The following ATP2A2 variants were observed in gnomAD, a reference collection of about 807,000 sequenced individuals.
ATP2A2 encodes the protein sarcoplasmic/endoplasmic reticulum calcium ATPase 2.
In ATP2A2, 14 loss-of-function variants were observed where a neutral mutation model predicts 109.3. That is an observed-to-expected ratio of 0.13 (90% CI 0.08 to 0.20). The LOEUF (loss-of-function observed/expected upper bound fraction) is 0.20, where lower values mean the gene tolerates loss of function less well. Ranked by LOEUF, ATP2A2 falls within the 10% of genes least tolerant of loss-of-function variation. The pLI is 1.00. For missense variants in ATP2A2, 657 were observed against 1,321.6 expected (o/e 0.50, Z 7.80); for synonymous variants, 506 against 490.9 (o/e 1.03, Z -0.41).
chr12:110,312,627 A>G (rs1053453767), intron 5 of ATP2A2, among the ~76,000 whole-genome samples: 2 of 151,836 alleles, frequency 1.3e-5, no homozygotes, highest in Non-Finnish European at 2.9e-5. Flanking sequence ...AGGCAGGCGG[A>G]TCATTTGAGC....
At chr12:110,332,501 T>C (rs1878436835) in intron 8 of ATP2A2, 96 bp from the exon 9 acceptor site, 1 of 1,027,210 alleles carries the variant, frequency 9.7e-7, no homozygotes, top group South Asian at 1.3e-5. Context: ...ATGAAAGAGG[T>C]TGTTTGCCTT....
chr12:110,289,035 A>G (rs1218162135), intron 3 of ATP2A2, among the ~76,000 whole-genome samples: 2 of 152,108 alleles, frequency 1.3e-5, no homozygotes, highest in Admixed American at 6.6e-5. Flanking sequence ...GTTGTTCTTC[A>G]TTTTGGGCTG....
Position 110,347,499 on chromosome 12 carries a change from G to A in ATP2A2, c.*1029G>A. 4 of 1,289,050 alleles carry A rather than the reference G, an allele frequency of 3.1e-6. No homozygotes were observed. The highest frequency in any genetic ancestry group is 4.0e-6 in the Non-Finnish European group (4 of 988,684). The allele number at this position is 1,289,050 out of a possible 1,614,324, so 79.9% of individuals were successfully genotyped here. Reference sequence around the variant, plus strand: ...TATTCTTAATGTACAGGCACTAATTGTCATCTGTGATGTACATTTTATGCA... The same window carrying A: ...TATTCTTAATGTACAGGCACTAATTATCATCTGTGATGTACATTTTATGCA... On this transcript the variant is annotated 3_prime_UTR_variant, in exon 20 of 20. Transcript: ENST00000539276.
intron 6 of ATP2A2, 29 bp from the exon 7 acceptor site, chr12:110,326,361 C>G (rs770432663): frequency 1.9e-6 from 3 of 1,594,274 alleles, no homozygotes; most frequent in Non-Finnish European, 2.6e-6. Flanking sequence ...TCGCAGAGAT[C>G]TGTTTTTTCT....
chr12:110,325,056 G>GC (rs1877642520), intron 6 of ATP2A2, among the ~76,000 whole-genome samples: 1 of 151,378 alleles, frequency 6.6e-6, no homozygotes, highest in Non-Finnish European at 1.5e-5. Context: ...TGAAGTGATC[G>GC]CCCGCCTCAA....
intron 4 of ATP2A2, among the ~76,000 whole-genome samples, chr12:110,293,340 T>C (rs1873531445): frequency 6.6e-6 from 1 of 150,686 alleles, no homozygotes; most frequent in Non-Finnish European, 1.5e-5. Flanking sequence ...AGTGCTGGGA[T>C]TACAGGTGTG....
intron 8 of ATP2A2, chr12:110,329,315 T>TGC (rs1207545995): frequency 1.3e-5 from 2 of 152,264 alleles, no homozygotes; most frequent in Non-Finnish European, 2.9e-5. Context: ...CCATCTGCTG[T>TGC]TTAGTTGACC....
At chr12:110,344,789 C>A in intron 16 of ATP2A2, 97 bp from the exon 17 acceptor site, 1 of 1,221,798 alleles carries the variant, frequency 8.2e-7, no homozygotes, top group Non-Finnish European at 1.2e-6. Context: ...TGTCCCATGT[C>A]TTTGATCTTC....
intron 16 of ATP2A2, 46 bp downstream of exon 16, chr12:110,343,480 G>A (rs755849867): frequency 3.1e-6 from 5 of 1,603,416 alleles, no homozygotes; most frequent in Non-Finnish European, 4.3e-6. Flanking sequence ...CAAAATGTTT[G>A]TGAGCTGAAA....
chr12:110,326,485 T>G lies in ATP2A2; in HGVS notation c.630+10T>G, dbSNP rs374535528. On this transcript the variant is annotated intron_variant, in intron 7 of 19. Coordinates refer to ENST00000539276, the MANE Select transcript of ATP2A2 (RefSeq NM_170665.4). ...GAACATGCTGTTTTCTGTAAGTACT[T>G]TATGAAATGTGTTTTTATTTACAGA... 2.6e-5 allele frequency: 42 copies of G among 1,601,950 alleles called. No homozygotes were observed. Among genetic ancestry groups the G allele is most frequent in the Admixed American group, 1.8e-4 (11 of 59,706 alleles).
At chr12:110,305,559 A>G (rs1007007443) in intron 5 of ATP2A2, among the ~76,000 whole-genome samples, 2 of 152,234 alleles carry the variant, frequency 1.3e-5, no homozygotes, top group Non-Finnish European at 2.9e-5. Context: ...TAATTTACAA[A>G]TGCAAGAATG....
At chr12:110,320,786 A>G (rs1330091108) in intron 5 of ATP2A2, among the ~76,000 whole-genome samples, 1 of 152,208 alleles carries the variant, frequency 6.6e-6, no homozygotes, top group Non-Finnish European at 1.5e-5. Context: ...TTGAGATTAT[A>G]TATTGACAAA....
Position 110,349,927 on chromosome 12 carries a change from C to G in ATP2A2, c.*3457C>G. On this transcript the variant is annotated 3_prime_UTR_variant, in exon 20 of 20. Transcript: ENST00000539276. ...GACAGGAAGGCTGTGCTGCTACTGG[C>G]TGCTCACTTCTCCATCAACCTCACC... 3.5e-6 allele frequency: 4 copies of G among 1,152,372 alleles called. No individual in the cohort carries two copies. Among genetic ancestry groups the G allele is most frequent in the Middle Eastern group, 3.9e-4 (1 of 2,590 alleles). The allele number at this position is 1,152,372 out of a possible 1,614,324, so 71.4% of individuals were successfully genotyped here.
chr12:110,318,820 A>T (rs758904609), intron 5 of ATP2A2, among the ~76,000 whole-genome samples: 4 of 152,198 alleles, frequency 2.6e-5, no homozygotes, highest in Non-Finnish European at 4.4e-5. Flanking sequence ...CTTTCTACAA[A>T]GATCAGTTTC....
In ATP2A2 at chr12:110,350,297, C is replaced by T. The variant is rs1880283962; in HGVS notation, c.*3827C>T. The T allele has an allele frequency of 1.9e-6, 3 of 1,614,052 alleles. No homozygotes were observed. Among genetic ancestry groups the T allele is most frequent in the Non-Finnish European group, 2.5e-6 (3 of 1,180,052 alleles). ...CCTCTCTCTTTCCTTTTCAGCAATA[C>T]TGGAGTAACCGCTTCCTAAACCATT... On this transcript the variant is annotated 3_prime_UTR_variant, in exon 20 of 20. Coordinates refer to ENST00000539276, the MANE Select transcript of ATP2A2 (RefSeq NM_170665.4).
At position 110,350,173 on chromosome 12, in the gene ATP2A2, A is replaced by G; in HGVS notation, c.*3703A>G. ...AAATGCTGGTCTTGAAACCTTGAAA[A>G]GATCAAGCTGAATGTTCCTTTTCAT... is the stretch of plus-strand genomic sequence containing the variant. On this transcript the variant is annotated 3_prime_UTR_variant, in exon 20 of 20. Transcript: ENST00000539276. 1 of 1,598,830 alleles carries G rather than the reference A, an allele frequency of 6.3e-7. No individual in the cohort carries two copies.
intron 18 of ATP2A2, 128 bp downstream of exon 18, chr12:110,345,510 G>T: frequency 1.4e-6 from 2 of 1,400,746 alleles, no homozygotes; most frequent in Non-Finnish European, 2.0e-6. Flanking sequence ...AGGAGAACAG[G>T]CAATACCAGT....
chr12:110,334,840 G>A (rs1003793316), intron 11 of ATP2A2, among the ~76,000 whole-genome samples: 1 of 151,864 alleles, frequency 6.6e-6, no homozygotes, highest in Non-Finnish European at 1.5e-5. Context: ...CGCCCACCTC[G>A]GCCTCCCAAA....
chr12:110,337,750 A>G (rs1878972859), intron 11 of ATP2A2, among the ~76,000 whole-genome samples: 1 of 152,276 alleles, frequency 6.6e-6, no homozygotes, highest in Admixed American at 6.5e-5. Context: ...AGGTCACCTC[A>G]GTAGGTGCAT....
Sources: gnomAD v4.1 joint callset for allele counts (sites outside exome capture counted in the v4.1 genomes callset) on GRCh38, gnomAD v4.1.1 for gene constraint, MANE v1.5 for transcripts, NCBI Gene and HGNC (gene_info 2026-07-23, HGNC 2026-07-21) for gene names.